SYCP1: variants seen among roughly 807,000 people sequenced by gnomAD.
The protein encoded by SYCP1 is synaptonemal complex protein 1, also known as cancer/testis antigen 8.
Under a neutral mutation model 153.1 loss-of-function variants are expected in SYCP1, and 64 were observed. That is an observed-to-expected ratio of 0.42 (90% confidence interval 0.34 to 0.51). The LOEUF is 0.51. Among genes scored for constraint, SYCP1 ranks in the 20% least tolerant of loss-of-function variants. SYCP1 has a pLI of 0.06. For missense variants in SYCP1, 997 were observed against 1,049.0 expected (o/e 0.95, Z 0.68); for synonymous variants, 384 against 341.8 (o/e 1.12, Z -1.36).
rs560861336 is a variant in SYCP1 at position 114,913,885 on chromosome 1, T to C, written c.1648-90T>C. Reference sequence around the variant, plus strand: ...TGCTTTATATATAACTAAATAAATTTTATGCTGATAGATAAAGGTCTTAAA... The same window carrying C: ...TGCTTTATATATAACTAAATAAATTCTATGCTGATAGATAAAGGTCTTAAA... On this transcript the variant is annotated intron_variant, in intron 19 of 31. Coordinates refer to ENST00000369522, the MANE Select transcript of SYCP1 (RefSeq NM_003176.4). 3.1e-6 allele frequency: 3 copies of C among 962,594 alleles called. No homozygotes were observed. In the East Asian group the frequency reaches 9.0e-5, roughly 29 times the overall value. The allele number at this position is 962,594 out of a possible 1,614,324, so 59.6% of individuals were successfully genotyped here.
At chr1:114,857,664 G>C (rs1395208282) in intron 5 of SYCP1, among the ~76,000 whole-genome samples, 167 bp downstream of exon 5, 1 of 151,944 alleles carries the variant, frequency 6.6e-6, no homozygotes, top group Non-Finnish European at 1.5e-5. Context: ...GGTTATGAAA[G>C]TTCCATTTAT....
chr1:114,990,379 A>G (rs948912819), intron 30 of SYCP1, among the ~76,000 whole-genome samples: 8 of 151,996 alleles, frequency 5.3e-5, no homozygotes, highest in African/African-American at 9.7e-5. Context: ...ATAAGTGCCT[A>G]TTAAGAAAGA....
intron 8 of SYCP1, among the ~76,000 whole-genome samples, chr1:114,869,329 T>A (rs916909331): frequency 6.6e-6 from 1 of 152,212 alleles, no homozygotes; most frequent in African/African-American, 2.4e-5. Context: ...CTCCAAGCAT[T>A]TTGTGATTTT....
intron 27 of SYCP1, among the ~76,000 whole-genome samples, chr1:114,956,906 G>T (rs146772045): frequency 6.6e-6 from 1 of 150,674 alleles, no homozygotes; most frequent in East Asian, 1.9e-4. Flanking sequence ...ATCTCTCAGT[G>T]TGCAGACATT....
chr1:114,871,775 G>A lies in SYCP1; in HGVS notation c.599-2731G>A, dbSNP rs12068199. Among the ~76,000 whole-genome samples, 743 of 151,968 alleles carry A rather than the reference G, an allele frequency of 4.9e-3. 8 individuals carry two copies. Among genetic ancestry groups the A allele is most frequent in the African/African-American group, 0.017 (695 of 41,442 alleles). ...TAATTTTTGTATGTTTAGTAGAGAT[G>A]GATTTTCGCCATGTTGGCCAGACTG... is the stretch of plus-strand genomic sequence containing the variant. On this transcript the variant is annotated intron_variant, in intron 8 of 31. Coordinates refer to ENST00000369522, the MANE Select transcript of SYCP1 (RefSeq NM_003176.4).
rs1211337523 is a variant in SYCP1, at chr1:114,914,150, TA to T, written c.1718+106del. The T allele has an allele frequency of 3.0e-5, 25 of 831,806 alleles. No homozygotes were observed. The East Asian group carries it at 7.5e-4, about 25-fold the overall frequency. The allele number at this position is 831,806 out of a possible 1,614,324, so 51.5% of individuals were successfully genotyped here. On this transcript the variant is annotated intron_variant, in intron 20 of 31. Transcript: ENST00000369522. ...TAAATTGGACTGCTGTTGAATATTT[TA>T]TAAAGTAAAAATTAGATATAAATCA...
chr1:114,880,609 G>A (rs1005440470), intron 12 of SYCP1, among the ~76,000 whole-genome samples: 2 of 152,180 alleles, frequency 1.3e-5, no homozygotes, highest in African/African-American at 4.8e-5. Flanking sequence ...AGCTCTTTGA[G>A]ACCTCTCAAA....
intron 20 of SYCP1, among the ~76,000 whole-genome samples, chr1:114,923,038 G>A (rs1255886950): frequency 1.3e-5 from 2 of 152,212 alleles, no homozygotes; most frequent in Non-Finnish European, 2.9e-5. Flanking sequence ...AGGGAACACT[G>A]CTGCAAAGGG....
upstream of SYCP1, among the ~76,000 whole-genome samples, chr1:114,854,255 C>T (rs539139418): frequency 8.5e-5 from 13 of 152,212 alleles, no homozygotes; most frequent in East Asian, 1.9e-4. Context: ...GTGATCTTCC[C>T]GCCTCAGCCT....
At chr1:114,904,112 C>G (rs1307416279) in intron 16 of SYCP1, among the ~76,000 whole-genome samples, 1 of 149,908 alleles carries the variant, frequency 6.7e-6, no homozygotes, top group Admixed American at 6.6e-5. Flanking sequence ...ATTAGCTTTT[C>G]TTTCTTTCTT....
intron 20 of SYCP1, among the ~76,000 whole-genome samples, chr1:114,914,510 G>A (rs376202261): frequency 6.6e-6 from 1 of 151,866 alleles, no homozygotes; most frequent in African/African-American, 2.4e-5. Flanking sequence ...ATTAGTTGAA[G>A]GTCTTACATC....
intron 16 of SYCP1, among the ~76,000 whole-genome samples, chr1:114,906,396 A>G (rs1014322050): frequency 6.6e-6 from 1 of 150,742 alleles, no homozygotes; most frequent in Admixed American, 6.6e-5. Context: ...TATCTTTATT[A>G]TTTCCTTCCT....
intron 12 of SYCP1, among the ~76,000 whole-genome samples, chr1:114,883,975 A>AC (rs1308707245): frequency 6.6e-6 from 1 of 152,110 alleles, no homozygotes; most frequent in Admixed American, 6.5e-5. Flanking sequence ...ACAGGCATGA[A>AC]CCACCGGGCC....
chr1:114,944,291 T>C (rs1243624747), intron 23 of SYCP1, 48 bp from the exon 24 acceptor site: 2 of 1,038,854 alleles, frequency 1.9e-6, no homozygotes, highest in Admixed American at 4.4e-5. Context: ...TGTTTTCAAG[T>C]AATCCATAGC....
chr1:114,861,463 T>C (rs1664370440), intron 8 of SYCP1, among the ~76,000 whole-genome samples: 1 of 152,182 alleles, frequency 6.6e-6, no homozygotes, highest in Non-Finnish European at 1.5e-5. Flanking sequence ...GGAAATACTG[T>C]CTACCTGCTT....
chr1:114,875,972 T>G (rs1570678218), intron 9 of SYCP1, 97 bp from the exon 10 acceptor site: 2 of 739,120 alleles, frequency 2.7e-6, no homozygotes, highest in Non-Finnish European at 2.1e-6. Context: ...GGTTTTAAAT[T>G]TAATGATCAC....
chr1:114,876,129 C>A lies in SYCP1; in HGVS notation c.718C>A (p.His240Asn). 2 of 1,582,094 alleles carry A rather than the reference C, an allele frequency of 1.3e-6. No homozygotes were observed. Among genetic ancestry groups the A allele is most frequent in the South Asian group, 1.2e-5 (1 of 84,670 alleles). ...VQAENSRLEM[H>N]FKLKEDYEKI... ...AGCTGAGAATTCCAGACTGGAAATG[C>A]ATTTTAAGTGTAGGTATAGGGATCT... Residue 240 changes from histidine (H) to asparagine (N), a missense_variant, in exon 10 of 32, where the codon CAT (histidine) becomes AAT (asparagine). His to Asn is a moderately conservative substitution (Grantham distance 68). Around this residue, in one of 2 missense-constraint regions of SYCP1, gnomAD observed 285 missense variants for 366.1 expected, o/e 0.78. Transcript: ENST00000369522.
chr1:114,978,312 G>A (rs1672932235), intron 28 of SYCP1, among the ~76,000 whole-genome samples: 2 of 151,580 alleles, frequency 1.3e-5, no homozygotes, highest in African/African-American at 4.8e-5. Flanking sequence ...GAATTTATGT[G>A]TAATTCTAAT....
chr1:114,944,281 T>C (rs1670553431), intron 23 of SYCP1, 58 bp from the exon 24 acceptor site: 1 of 954,148 alleles, frequency 1.0e-6, no homozygotes, highest in Admixed American at 2.3e-5. Flanking sequence ...GAATATGGAA[T>C]GTTTTCAAGT....
Sources: allele counts gnomAD v4.1 joint callset (sites outside exome capture counted in the v4.1 genomes callset), GRCh38; gene constraint gnomAD v4.1.1; regional missense constraint gnomAD v4.1.1; transcripts MANE v1.5; gene names NCBI Gene and HGNC (gene_info 2026-07-23, HGNC 2026-07-21).